RBMS1: variants seen among roughly 807,000 people sequenced by gnomAD.
RBMS1 encodes RNA binding motif single stranded interacting protein 1.
A neutral mutation model predicts 62.3 loss-of-function variants in RBMS1; 17 were observed. The observed-to-expected ratio is 0.27, with a 90% CI of 0.19 to 0.41. The LOEUF (loss-of-function observed/expected upper bound fraction) is 0.41, where lower values mean the gene tolerates loss of function less well. RBMS1 is among the 10% of genes least tolerant of loss of function. RBMS1 has a pLI of 1.00. For missense variants in RBMS1, 334 were observed against 504.5 expected, an observed-to-expected ratio of 0.66 and a Z score of 3.24; for synonymous variants, 172 against 170.0, an observed-to-expected ratio of 1.01 and a Z score of -0.09.
chr2:160,384,223 C>T (rs1407446883), intron 1 of RBMS1, among the ~76,000 whole-genome samples: 3 of 151,994 alleles, frequency 2.0e-5, no homozygotes, highest in Non-Finnish European at 4.4e-5. Flanking sequence ...TAAATAAAAA[C>T]TTTAAATGTC....
At chr2:160,317,412 C>G (rs1323863310) in intron 3 of RBMS1, among the ~76,000 whole-genome samples, 1 of 152,166 alleles carries the variant, frequency 6.6e-6, no homozygotes, top group Admixed American at 6.5e-5. Flanking sequence ...TCAGCTGACT[C>G]TATTCTTCCC....
At chr2:160,432,264 A>C (rs1682929611) in intron 1 of RBMS1, 1 of 152,152 alleles carries the variant, frequency 6.6e-6, no homozygotes, top group Non-Finnish European at 1.5e-5. Flanking sequence ...ATAACATACC[A>C]TGGAGAACAG....
chr2:160,306,580 A>G (rs951616710), intron 4 of RBMS1, among the ~76,000 whole-genome samples: 2 of 152,022 alleles, frequency 1.3e-5, no homozygotes, highest in African/African-American at 4.8e-5. Context: ...CAAACGGTCA[A>G]CATATCTTAC....
At chr2:160,435,955 A>G (rs1038891482) in intron 1 of RBMS1, among the ~76,000 whole-genome samples, 2 of 152,236 alleles carry the variant, frequency 1.3e-5, no homozygotes, top group African/African-American at 4.8e-5. Context: ...TAAGCATTAC[A>G]GGATTCATCA....
At chr2:160,398,805 G>A (rs1339333461) in intron 1 of RBMS1, among the ~76,000 whole-genome samples, 2 of 152,112 alleles carry the variant, frequency 1.3e-5, no homozygotes, top group African/African-American at 4.8e-5. Context: ...TTTACGACTA[G>A]AAGCCTACGA....
intron 1 of RBMS1, among the ~76,000 whole-genome samples, chr2:160,382,858 T>TA (rs1011677091): frequency 9.2e-5 from 14 of 151,856 alleles, no homozygotes; most frequent in East Asian, 1.9e-4. Flanking sequence ...TTTTTTTTTT[T>TA]AAAAAGCTAC....
intron 5 of RBMS1, chr2:160,302,919 A>G (rs1450069217): frequency 6.4e-6 from 1 of 156,944 alleles, no homozygotes; most frequent in Non-Finnish European, 1.4e-5. Context: ...AATGTTTTAC[A>G]TATTTCATTT....
At chr2:160,373,163 A>G (rs1693821859) in intron 1 of RBMS1, among the ~76,000 whole-genome samples, 1 of 152,028 alleles carries the variant, frequency 6.6e-6, no homozygotes, top group South Asian at 2.1e-4. Flanking sequence ...GTCAAAGGAG[A>G]GGGGCCCATG....
intron 4 of RBMS1, 37 bp downstream of exon 4, chr2:160,313,119 T>C (rs1459356574): frequency 6.3e-7 from 1 of 1,596,116 alleles, no homozygotes; most frequent in East Asian, 2.2e-5. Flanking sequence ...CAACCAAAGC[T>C]GTGGAACAGA....
rs754914340 is a variant in RBMS1, at chr2:160,303,952, C to A, written c.403-465G>T. 3.7e-4 allele frequency among the ~76,000 whole-genome samples: 56 copies of A among 152,202 alleles called. 1 individual carries two copies. Among genetic ancestry groups the A allele is most frequent in the Admixed American group, 1.1e-3 (17 of 15,282 alleles). On this transcript the variant is annotated intron_variant, in intron 4 of 13. Coordinates refer to ENST00000348849, the MANE Select transcript of RBMS1 (RefSeq NM_016836.4). ...AATAGGGATCTGCCTAAATTTCCGT[C>A]CTCTGCTCTATGGCAAAGTTCACAC...
At chr2:160,441,386 TG>T (rs1307205324) in intron 1 of RBMS1, among the ~76,000 whole-genome samples, 1 of 152,196 alleles carries the variant, frequency 6.6e-6, no homozygotes, top group African/African-American at 2.4e-5. Context: ...TACCTAAGGG[TG>T]GTATTTCTGG....
At chr2:160,325,950 ATATTC>A (rs1690897847) in intron 2 of RBMS1, among the ~76,000 whole-genome samples, 1 of 152,188 alleles carries the variant, frequency 6.6e-6, no homozygotes, top group Admixed American at 6.5e-5. Context: ...GTATAGAAAG[ATATTC>A]CCCATTTCAT....
chr2:160,317,544 A>G (rs765019318), intron 3 of RBMS1, among the ~76,000 whole-genome samples: 2 of 152,134 alleles, frequency 1.3e-5, no homozygotes, highest in South Asian at 4.1e-4. Flanking sequence ...GGATGAGCTC[A>G]TCCTAATTAC....
intron 1 of RBMS1, among the ~76,000 whole-genome samples, chr2:160,404,696 G>C (rs1338761539): frequency 1.3e-5 from 2 of 152,172 alleles, no homozygotes; most frequent in Admixed American, 6.5e-5. Context: ...TTTAAGAGTT[G>C]TACAATCATT....
chr2:160,483,079 T>TAAA (rs367600184), intron 1 of RBMS1, among the ~76,000 whole-genome samples: 4 of 141,030 alleles, frequency 2.8e-5, no homozygotes, highest in Non-Finnish European at 6.2e-5. Context: ...TAATCTCTCT[T>TAAA]AAAAAAAAAA....
At chr2:160,323,433 G>A (rs933877027) in intron 2 of RBMS1, among the ~76,000 whole-genome samples, 3 of 151,648 alleles carry the variant, frequency 2.0e-5, no homozygotes, top group Non-Finnish European at 2.9e-5. Flanking sequence ...CCAGGACTGC[G>A]TCACTGCACT....
intron 1 of RBMS1, chr2:160,407,355 G>A (rs1487156219): frequency 1.0e-6 from 1 of 985,492 alleles, no homozygotes; most frequent in Non-Finnish European, 1.2e-6. Flanking sequence ...TGGGAAACAA[G>A]GTCACCGCCC....
At chr2:160,332,828 G>C (rs1487438302) in intron 2 of RBMS1, among the ~76,000 whole-genome samples, 1 of 149,884 alleles carries the variant, frequency 6.7e-6, no homozygotes, top group Non-Finnish European at 1.5e-5. Flanking sequence ...ACATGACATG[G>C]TTTTATATAT....
chr2:160,304,783 C>A lies in RBMS1; in HGVS notation c.403-1296G>T, dbSNP rs140648000. 1.1e-3 allele frequency among the ~76,000 whole-genome samples: 174 copies of A among 152,204 alleles called. 5 individuals are homozygous for A. In the East Asian group the frequency reaches 0.032, roughly 28 times the overall value. On this transcript the variant is annotated intron_variant, in intron 4 of 13. Coordinates refer to ENST00000348849, the MANE Select transcript of RBMS1 (RefSeq NM_016836.4). ...TTTAAGCTAAAACACACATACTTGA[C>A]AAAAGTCAAAAACTTAAATTTAAAG... is the stretch of plus-strand genomic sequence containing the variant.
Sources: gnomAD v4.1 joint callset for allele counts (sites outside exome capture counted in the v4.1 genomes callset) on GRCh38, gnomAD v4.1.1 for gene constraint, MANE v1.5 for transcripts, NCBI Gene and HGNC (gene_info 2026-07-23, HGNC 2026-07-21) for gene names.